NDUFAF2: variants seen among roughly 807,000 people sequenced by gnomAD.
The protein encoded by NDUFAF2 is NADH dehydrogenase [ubiquinone] 1 alpha subcomplex assembly factor 2.
NDUFAF2 carries 13 observed loss-of-function variants against 22.8 expected under a neutral mutation model. The observed-to-expected ratio is 0.57, with a 90% CI of 0.37 to 0.91. NDUFAF2 has a LOEUF of 0.91. Ranked by LOEUF, NDUFAF2 falls within the 40% of genes least tolerant of loss-of-function variation. The pLI, the probability that NDUFAF2 is intolerant of heterozygous loss-of-function variation, is 0.01. For synonymous variants in NDUFAF2, 53 were observed against 64.2 expected, an observed-to-expected ratio of 0.83 and a Z score of 0.84; for missense variants, 162 against 195.2, an observed-to-expected ratio of 0.83 and a Z score of 1.01.
chr5:61,087,690 A>G (rs1165082534), intron 2 of NDUFAF2, among the ~76,000 whole-genome samples: 1 of 152,164 alleles, frequency 6.6e-6, no homozygotes, highest in African/African-American at 2.4e-5. Flanking sequence ...ATAAGTCCAA[A>G]CAAATTCTTG....
chr5:60,993,388 G>A (rs963989171), intron 1 of NDUFAF2, among the ~76,000 whole-genome samples: 1 of 152,222 alleles, frequency 6.6e-6, no homozygotes, highest in Non-Finnish European at 1.5e-5. Flanking sequence ...GTGAGCATGG[G>A]GTTTGTTTCA....
rs1487691682 is a variant in NDUFAF2 at position 61,040,210 on chromosome 5, C to G, written c.128-32915C>G. On this transcript the variant is annotated intron_variant, in intron 1 of 3. Coordinates refer to ENST00000296597, the MANE Select transcript of NDUFAF2 (RefSeq NM_174889.5). ...TAAGATGGGATCAGATTATGGTCGA[C>G]TCTAAATCTAATGACTGGTATCTTT... 5.3e-5 allele frequency among the ~76,000 whole-genome samples: 8 copies of G among 150,358 alleles called. 1 individual carries two copies.
rs947275569 is a variant in NDUFAF2 at position 60,977,102 on chromosome 5, T to C, written c.127+31720T>C. Reference sequence around the variant, plus strand: ...GTACTAAATGAGCAATATTAAAAATTAATATAATATTAAAATATAGGTGTT... The same window carrying C: ...GTACTAAATGAGCAATATTAAAAATCAATATAATATTAAAATATAGGTGTT... On this transcript the variant is annotated intron_variant, in intron 1 of 3. Transcript: ENST00000296597. Among the ~76,000 whole-genome samples the C allele has an allele frequency of 3.9e-5, 6 of 152,164 alleles. 1 individual carries two copies. The highest frequency in any genetic ancestry group is 6.5e-5 in the Admixed American group (1 of 15,292).
chr5:61,125,986 G>A (rs1324143854), intron 3 of NDUFAF2, among the ~76,000 whole-genome samples: 1 of 151,986 alleles, frequency 6.6e-6, no homozygotes, highest in Non-Finnish European at 1.5e-5. Flanking sequence ...TACAGAAAGA[G>A]AAATAATACA....
chr5:61,105,977 A>G lies in NDUFAF2; in HGVS notation c.258+6945A>G, dbSNP rs990042041. On this transcript the variant is annotated intron_variant, in intron 3 of 3. Transcript: ENST00000296597. Reference sequence around the variant, plus strand: ...TAAACCATAGAACCACAGAATGCTCAGTAACTGGCAGTGCCAGAAAACTCT... The same window carrying G: ...TAAACCATAGAACCACAGAATGCTCGGTAACTGGCAGTGCCAGAAAACTCT... Among the ~76,000 whole-genome samples, 8 of 151,488 alleles carry G rather than the reference A, an allele frequency of 5.3e-5. 1 individual carries two copies. Among genetic ancestry groups the G allele is most frequent in the African/African-American group, 1.5e-4 (6 of 40,792 alleles).
chr5:61,012,238 C>A (rs1161308584), intron 1 of NDUFAF2, among the ~76,000 whole-genome samples: 2 of 152,120 alleles, frequency 1.3e-5, no homozygotes, highest in East Asian at 1.9e-4. Flanking sequence ...GATTTTCAGA[C>A]CTTATCTCCA....
At chr5:61,033,673 G>T (rs965755697) in intron 1 of NDUFAF2, among the ~76,000 whole-genome samples, 1 of 151,940 alleles carries the variant, frequency 6.6e-6, no homozygotes, top group Admixed American at 6.6e-5. Context: ...CTATAGTAAC[G>T]TTAAACTCTC....
In NDUFAF2 at chr5:61,040,574, T is replaced by G. The variant is rs74330945; in HGVS notation, c.128-32551T>G. ...ATATATATTTTTTTGCCTTTTTTTTTGTACAAATTTCTATCATTTACTAAG... is the reference window on the plus strand; with the variant it reads ...ATATATATTTTTTTGCCTTTTTTTTGGTACAAATTTCTATCATTTACTAAG... On this transcript the variant is annotated intron_variant, in intron 1 of 3. Coordinates refer to ENST00000296597, the MANE Select transcript of NDUFAF2 (RefSeq NM_174889.5). Among the ~76,000 whole-genome samples, 362 of 152,044 alleles carry G rather than the reference T, an allele frequency of 2.4e-3. 7 individuals carry two copies. The East Asian group carries it at 0.026, about 11-fold the overall frequency.
chr5:61,052,266 T>C (rs1054301983), intron 1 of NDUFAF2, among the ~76,000 whole-genome samples: 5 of 152,202 alleles, frequency 3.3e-5, no homozygotes, highest in Admixed American at 2.6e-4. Context: ...GGGTCTGTGT[T>C]GTTAATCTTT....
intron 1 of NDUFAF2, among the ~76,000 whole-genome samples, chr5:61,006,982 A>G (rs773181199): frequency 9.5e-4 from 145 of 152,134 alleles, no homozygotes; most frequent in Non-Finnish European, 1.7e-3. Flanking sequence ...TTTCTTGTAA[A>G]TTTGTTTGAG....
chr5:61,040,370 G>T (rs1287538822), intron 1 of NDUFAF2, among the ~76,000 whole-genome samples: 1 of 151,484 alleles, frequency 6.6e-6, no homozygotes, highest in Non-Finnish European at 1.5e-5. Context: ...ACTAGAAAAG[G>T]CAAAGAAAGA....
At chr5:61,109,768 C>T (rs1242348733) in intron 3 of NDUFAF2, among the ~76,000 whole-genome samples, 1 of 152,036 alleles carries the variant, frequency 6.6e-6, no homozygotes. Flanking sequence ...CCTCTCTTGC[C>T]TGCCACCATG....
intron 3 of NDUFAF2, among the ~76,000 whole-genome samples, chr5:61,118,573 A>T (rs1366997083): frequency 6.6e-6 from 1 of 152,146 alleles, no homozygotes; most frequent in East Asian, 1.9e-4. Context: ...TTGCCAATTA[A>T]GTTATATTGT....
intron 2 of NDUFAF2, among the ~76,000 whole-genome samples, chr5:61,091,772 A>G (rs1752571292): frequency 6.6e-6 from 1 of 152,050 alleles, no homozygotes; most frequent in Non-Finnish European, 1.5e-5. Flanking sequence ...ATTTTTGCCC[A>G]TTTCTATATG....
intron 2 of NDUFAF2, among the ~76,000 whole-genome samples, chr5:61,082,233 T>C (rs1752452009): frequency 1.3e-5 from 2 of 152,112 alleles, no homozygotes; most frequent in South Asian, 2.1e-4. Flanking sequence ...TCATCATTCT[T>C]GGGGATGAAA....
intron 1 of NDUFAF2, among the ~76,000 whole-genome samples, chr5:60,962,430 A>G (rs1025212047): frequency 7.9e-5 from 12 of 152,138 alleles, no homozygotes; most frequent in African/African-American, 1.9e-4. Context: ...CACGTTTTCA[A>G]TTAGAAAGTA....
At chr5:61,015,930 G>A (rs1751503228) in intron 1 of NDUFAF2, among the ~76,000 whole-genome samples, 1 of 152,176 alleles carries the variant, frequency 6.6e-6, no homozygotes, top group Non-Finnish European at 1.5e-5. Flanking sequence ...GCTCACGCCT[G>A]TAATCCCAGC....
intron 1 of NDUFAF2, among the ~76,000 whole-genome samples, chr5:61,043,176 C>T (rs111907940): frequency 0.031 from 4,768 of 152,026 alleles, 80 homozygotes; most frequent in Middle Eastern, 0.038. Flanking sequence ...GCTGAGATCA[C>T]GCCATTGCAC....
rs560540187 is a variant in NDUFAF2 at position 61,048,165 on chromosome 5, T to C, written c.128-24960T>C. Among the ~76,000 whole-genome samples, 2 of 152,280 alleles carry C rather than the reference T, an allele frequency of 1.3e-5. 1 individual carries two copies. Among genetic ancestry groups the C allele is most frequent in the African/African-American group, 4.8e-5 (2 of 41,568 alleles). Reference sequence around the variant, plus strand: ...GTTCTAATGTGTACTGGAACTGAGTTTGAAAATTCATTCCCTTGGCTGTTT... The same window carrying C: ...GTTCTAATGTGTACTGGAACTGAGTCTGAAAATTCATTCCCTTGGCTGTTT... On this transcript the variant is annotated intron_variant, in intron 1 of 3. Transcript: ENST00000296597.
Sources: gnomAD v4.1 joint callset for allele counts (sites outside exome capture counted in the v4.1 genomes callset) on GRCh38, gnomAD v4.1.1 for gene constraint, MANE v1.5 for transcripts, NCBI Gene and HGNC (gene_info 2026-07-23, HGNC 2026-07-21) for gene names.